Variants in LMO7 observed in about 807,000 individuals in gnomAD.
LMO7 encodes the protein LIM domain only protein 7.
A neutral mutation model predicts 206.5 loss-of-function variants in LMO7; 120 were observed. The observed-to-expected ratio is 0.58, with a 90% CI of 0.50 to 0.68. LMO7 has a LOEUF of 0.68. Ranked by LOEUF, LMO7 falls within the 30% of genes least tolerant of loss-of-function variation. LMO7 has a pLI of 0.00. For missense variants in LMO7, 1,959 were observed against 1,957.9 expected, an observed-to-expected ratio of 1.00 and a Z score of -0.01; for synonymous variants, 706 against 681.5, an observed-to-expected ratio of 1.04 and a Z score of -0.56.
chr13:75,670,426 TTA>T (rs1390393852), intron 1 of LMO7, among the ~76,000 whole-genome samples: 7 of 152,226 alleles, frequency 4.6e-5, no homozygotes, highest in African/African-American at 1.7e-4. Flanking sequence ...TAGAGTGTAC[TTA>T]CACAAACATA....
intron 1 of LMO7, among the ~76,000 whole-genome samples, chr13:75,663,266 G>A (rs139455111): frequency 6.6e-6 from 1 of 151,486 alleles, no homozygotes; most frequent in East Asian, 1.9e-4. Context: ...TTCCCTGTGT[G>A]AGGATTTTTT....
chr13:75,644,764 GA>G (rs1480629255), intron 1 of LMO7, among the ~76,000 whole-genome samples: 2 of 152,126 alleles, frequency 1.3e-5, no homozygotes, highest in African/African-American at 4.8e-5. Flanking sequence ...GAACAGCTGG[GA>G]GACTATAGGC....
At chr13:75,737,670 G>A (rs1359245831) in intron 3 of LMO7, among the ~76,000 whole-genome samples, 3 of 136,724 alleles carry the variant, frequency 2.2e-5, no homozygotes, top group Non-Finnish European at 4.6e-5. Context: ...GGAGGATGGC[G>A]TGAACCTGGG....
rs1326772415 is a variant in LMO7, at chr13:75,823,622, A to G, written c.2698A>G (p.Asn900Asp). The stretch of plus-strand genomic sequence containing the variant: ...TGAAGACATTAAGAGAACTCCAAAC[A>G]ATGTGGTCAGCACCCCTGCACCAAG... ...DVEDIKRTPN[N>D]VVSTPAPSPD... Residue 900 changes from asparagine to aspartate, a missense_variant, in exon 15 of 31, where the codon AAT becomes GAT. Transcript: ENST00000377534. The G allele has an allele frequency of 6.2e-7, 1 of 1,614,052 alleles. No individual in the cohort carries two copies. Among genetic ancestry groups the G allele is most frequent in the African/African-American group, 1.3e-5 (1 of 74,936 alleles).
At chr13:75,620,931 A>G (rs1455056210) in exon 1 of LMO7, 2 of 151,434 alleles carry the variant, frequency 1.3e-5, no homozygotes, top group East Asian at 3.8e-4. Flanking sequence ...AAAAAAAAAT[A>G]CATTATTAGG....
chr13:75,804,642 C>A, intron 8 of LMO7, 101 bp downstream of exon 8: 2 of 1,361,620 alleles, frequency 1.5e-6, no homozygotes, highest in Non-Finnish European at 2.0e-6. Flanking sequence ...TTTCATAGAT[C>A]ATATATTAAG....
intron 2 of LMO7, chr13:75,627,077 G>C (rs1041888225): frequency 1.3e-5 from 2 of 152,090 alleles, no homozygotes; most frequent in African/African-American, 4.8e-5. Flanking sequence ...TTTCCTCTCT[G>C]AGTCCAATTT....
chr13:75,783,166 A>G (rs571355757), intron 4 of LMO7, among the ~76,000 whole-genome samples: 1 of 152,256 alleles, frequency 6.6e-6, no homozygotes, highest in Non-Finnish European at 1.5e-5. Flanking sequence ...CAGCATATAC[A>G]TAACCATTTT....
At chr13:75,698,019 C>T (rs555660398) in intron 1 of LMO7, among the ~76,000 whole-genome samples, 4 of 152,250 alleles carry the variant, frequency 2.6e-5, no homozygotes, top group Non-Finnish European at 5.9e-5. Flanking sequence ...ATGTGGCCCT[C>T]TTTGTGATAT....
At chr13:75,659,485 G>A (rs1202162642) in intron 1 of LMO7, among the ~76,000 whole-genome samples, 3 of 152,148 alleles carry the variant, frequency 2.0e-5, no homozygotes, top group Non-Finnish European at 2.9e-5. Context: ...CATGGCGGGA[G>A]GTGAAAGGCA....
At chr13:75,830,736 G>C (rs2058582493) in intron 15 of LMO7, among the ~76,000 whole-genome samples, 1 of 152,130 alleles carries the variant, frequency 6.6e-6, no homozygotes, top group Non-Finnish European at 1.5e-5. Context: ...CAATCTAATA[G>C]AACAGTGAGA....
chr13:75,765,990 A>C (rs2048820955), intron 4 of LMO7, among the ~76,000 whole-genome samples: 1 of 152,116 alleles, frequency 6.6e-6, no homozygotes, highest in Non-Finnish European at 1.5e-5. Context: ...ATTACTGCAA[A>C]GGGCCTCACT....
rs1595464449 is a variant in LMO7, at chr13:75,841,829, G to C, written c.3877G>C (p.Glu1293Gln). The change falls in exon 24 of 31, where the codon GAG becomes CAG. Residue 1293 changes from glutamate (E) to glutamine (Q), a missense_variant. Coordinates refer to ENST00000377534, the MANE Select transcript of LMO7 (RefSeq NM_001306080.2). ...GKKPQDQLVI[E>Q]RERKWEQQLQ... ...GAAGCCGCAGGATCAGCTTGTTATT[G>C]AGAGAGAGAGGAAATGGGAGCAACA... 6.2e-7 allele frequency: 1 copy of C among 1,613,834 alleles called. No homozygotes were observed. Among genetic ancestry groups the C allele is most frequent in the African/African-American group, 1.3e-5 (1 of 75,010 alleles).
At chr13:75,654,591 A>G (rs2037873044) in intron 1 of LMO7, among the ~76,000 whole-genome samples, 1 of 152,112 alleles carries the variant, frequency 6.6e-6, no homozygotes, top group South Asian at 2.1e-4. Context: ...TGGGGCAAAC[A>G]AAACAACCAG....
chr13:75,749,925 C>T (rs926455075), intron 3 of LMO7, among the ~76,000 whole-genome samples: 2 of 151,398 alleles, frequency 1.3e-5, no homozygotes, highest in African/African-American at 4.9e-5. Context: ...TAACTATTGA[C>T]GTTGGATCTC....
At chr13:75,723,052 A>G (rs959941750) in intron 2 of LMO7, among the ~76,000 whole-genome samples, 11 of 152,078 alleles carry the variant, frequency 7.2e-5, no homozygotes, top group African/African-American at 2.7e-4. Flanking sequence ...AAAAGACTAC[A>G]TATTGCGTGC....
intron 15 of LMO7, among the ~76,000 whole-genome samples, chr13:75,824,651 T>G (rs1224846022): frequency 6.6e-6 from 1 of 152,190 alleles, no homozygotes; most frequent in African/African-American, 2.4e-5. Context: ...TTAGAAAGAT[T>G]CTTTCTAAGC....
intron 4 of LMO7, among the ~76,000 whole-genome samples, chr13:75,795,104 A>G (rs1251423751): frequency 1.3e-5 from 2 of 152,176 alleles, no homozygotes; most frequent in Non-Finnish European, 2.9e-5. Flanking sequence ...CACATAATGT[A>G]TTTAAAAATT....
chr13:75,821,644 G>T, intron 14 of LMO7, 35 bp downstream of exon 14: 1 of 1,500,548 alleles, frequency 6.7e-7, no homozygotes, highest in Non-Finnish European at 9.1e-7. Flanking sequence ...AGTCTGTTCT[G>T]AAGAGCAAAA....
Sources: allele counts gnomAD v4.1 joint callset (sites outside exome capture counted in the v4.1 genomes callset), GRCh38; gene constraint gnomAD v4.1.1; transcripts MANE v1.5; gene names NCBI Gene and HGNC (gene_info 2026-07-23, HGNC 2026-07-21).